The following MALL variants were observed in gnomAD, a reference collection of about 807,000 sequenced individuals.
The protein encoded by MALL is mal, T cell differentiation protein like.
MALL carries 2 observed loss-of-function variants against 10.3 expected under a neutral mutation model. The observed-to-expected ratio is 0.19, with a 90% CI of 0.08 to 0.61. MALL has a LOEUF of 0.61. Ranked by LOEUF, MALL falls within the 20% of genes least tolerant of loss-of-function variation. The pLI, the probability that MALL is intolerant of heterozygous loss-of-function variation, is 0.88. For synonymous variants in MALL, 27 were observed against 51.8 expected (o/e 0.52, Z 2.05); for missense variants, 39 against 115.2 (o/e 0.34, Z 3.03).
intron 1 of MALL, among the ~76,000 whole-genome samples, chr2:110,115,480 C>G (rs1056805012): frequency 8.8e-5 from 7 of 79,290 alleles, no homozygotes; most frequent in African/African-American, 3.6e-4. Flanking sequence ...GCTCCCCGCT[C>G]TCGGTCCGGT....
intron 1 of MALL, among the ~76,000 whole-genome samples, chr2:110,099,853 T>C (rs1233554354): frequency 1.3e-5 from 2 of 152,096 alleles, no homozygotes; most frequent in Non-Finnish European, 2.9e-5. Flanking sequence ...GCATCCCAGA[T>C]GACACGACCG....
At chr2:110,102,265 C>A (rs1056968121) in intron 1 of MALL, among the ~76,000 whole-genome samples, 3 of 152,136 alleles carry the variant, frequency 2.0e-5, no homozygotes, top group African/African-American at 7.2e-5. Flanking sequence ...TATGACTAGA[C>A]CCTGAAAGGC....
chr2:110,112,582 A>C (rs1678828014), intron 1 of MALL, among the ~76,000 whole-genome samples: 1 of 152,072 alleles, frequency 6.6e-6, no homozygotes. Context: ...TCAAAAAAAA[A>C]ATAGATGTTG....
At chr2:110,104,648 T>A (rs1210442580) in intron 1 of MALL, among the ~76,000 whole-genome samples, 1 of 152,184 alleles carries the variant, frequency 6.6e-6, no homozygotes, top group Non-Finnish European at 1.5e-5. Context: ...CCTCCAAGAA[T>A]GTCAAGCTCC....
chr2:110,115,870 C>T, upstream of MALL: 1 of 558,294 alleles, frequency 1.8e-6, no homozygotes, highest in Admixed American at 4.4e-5. Context: ...GCCCGACACA[C>T]CCATCGGACG....
chr2:110,107,034 A>T (rs1678710963), intron 1 of MALL, among the ~76,000 whole-genome samples: 1 of 122,324 alleles, frequency 8.2e-6, no homozygotes, highest in African/African-American at 3.1e-5. Flanking sequence ...GTAGGAATGA[A>T]ATTTGTGGTT....
rs138807896 is a variant in MALL at position 110,113,702 on chromosome 2, C to T, written c.105+1986G>A. ...TGAAGGAGATACGGCAACTAAGTGCCATGTGGGATCCTGGACCAGAAAAAG... is the reference window on the plus strand; with the variant it reads ...TGAAGGAGATACGGCAACTAAGTGCTATGTGGGATCCTGGACCAGAAAAAG... On this transcript the variant is annotated intron_variant, in intron 1 of 3. Coordinates refer to ENST00000272462, the MANE Select transcript of MALL (RefSeq NM_005434.5). Among the ~76,000 whole-genome samples, 7 of 152,106 alleles carry T rather than the reference C, an allele frequency of 4.6e-5. No homozygotes were observed. The South Asian group carries it at 1.0e-3, about 23-fold the overall frequency.
At chr2:110,116,841 C>T (rs541735095), upstream of MALL, among the ~76,000 whole-genome samples, 81 of 152,266 alleles carry the variant, frequency 5.3e-4, no homozygotes, top group Middle Eastern at 3.4e-3. Context: ...TTCTTCCTGC[C>T]CCCTGCTGCT....
intron 1 of MALL, among the ~76,000 whole-genome samples, chr2:110,101,592 G>C (rs1035456678): frequency 6.6e-6 from 1 of 152,056 alleles, no homozygotes; most frequent in Non-Finnish European, 1.5e-5. Flanking sequence ...CTGGCAGTGC[G>C]CCCGGCCTCC....
chr2:110,113,382 G>C (rs1401334181), intron 1 of MALL, among the ~76,000 whole-genome samples: 35 of 142,624 alleles, frequency 2.5e-4, no homozygotes, highest in Non-Finnish European at 3.5e-4. Context: ...AGCTTGCAGT[G>C]AGCCAAGATC....
intron 1 of MALL, among the ~76,000 whole-genome samples, chr2:110,115,236 T>C (rs2104397888): frequency 6.6e-6 from 1 of 152,220 alleles, no homozygotes; most frequent in Non-Finnish European, 1.5e-5. Flanking sequence ...AAGGCACAAA[T>C]AGTTGGACAA....
At chr2:110,115,604 C>T (rs987542583) in intron 1 of MALL, 84 bp downstream of exon 1, 1 of 692,824 alleles carries the variant, frequency 1.4e-6, no homozygotes, top group African/African-American at 1.9e-5. Flanking sequence ...GTCTGGGTCT[C>T]TCTCTTCTCG....
intron 1 of MALL, among the ~76,000 whole-genome samples, chr2:110,101,560 C>T (rs1308771155): frequency 6.6e-6 from 1 of 152,084 alleles, no homozygotes; most frequent in Non-Finnish European, 1.5e-5. Flanking sequence ...CCTTGGTACT[C>T]ATAAGCACTC....
In MALL at chr2:110,105,720, T is replaced by C. The variant is rs550545336; in HGVS notation, c.105+9968A>G. Among the ~76,000 whole-genome samples the C allele has an allele frequency of 2.0e-5, 3 of 152,292 alleles. No individual in the cohort carries two copies. The East Asian group carries it at 5.8e-4, about 29-fold the overall frequency. ...ATTTCTCCTCCTGGAAAACTCAACT[T>C]CTAAGGCACAGTTGGAAGGAAGGGG... is the stretch of plus-strand genomic sequence containing the variant. On this transcript the variant is annotated intron_variant, in intron 1 of 3. Coordinates refer to ENST00000272462, the MANE Select transcript of MALL (RefSeq NM_005434.5).
chr2:110,117,829 A>C (rs1431709967), upstream of MALL, among the ~76,000 whole-genome samples: 1 of 151,966 alleles, frequency 6.6e-6, no homozygotes, highest in African/African-American at 2.4e-5. Flanking sequence ...ATAAACAAAC[A>C]AACAAACAAA....
upstream of MALL, among the ~76,000 whole-genome samples, chr2:110,117,164 C>A (rs755362265): frequency 1.3e-5 from 2 of 152,118 alleles, no homozygotes; most frequent in Non-Finnish European, 2.9e-5. Context: ...CTAATCCCAC[C>A]TGCCAACCCC....
chr2:110,101,833 CT>C (rs1553477635), intron 1 of MALL, among the ~76,000 whole-genome samples: 3 of 151,984 alleles, frequency 2.0e-5, no homozygotes, highest in Non-Finnish European at 4.4e-5. Context: ...CTTCTTGTCT[CT>C]TAAAAAAAAA....
intron 1 of MALL, chr2:110,097,528 G>C (rs546432801): frequency 2.2e-6 from 1 of 456,648 alleles, no homozygotes; most frequent in Non-Finnish European, 4.4e-6. Flanking sequence ...GCCCCTCATG[G>C]GTGGGAGAGG....
chr2:110,113,300 A>G (rs1378758291), intron 1 of MALL, among the ~76,000 whole-genome samples: 2 of 151,622 alleles, frequency 1.3e-5, no homozygotes, highest in African/African-American at 2.4e-5. Context: ...TTAGCTGGGC[A>G]TGGTGGGGGC....
Sources: gnomAD v4.1 joint callset for allele counts (sites outside exome capture counted in the v4.1 genomes callset) on GRCh38, gnomAD v4.1.1 for gene constraint, MANE v1.5 for transcripts, NCBI Gene and HGNC (gene_info 2026-07-23, HGNC 2026-07-21) for gene names.